BNIP2: variants seen among roughly 807,000 people sequenced by gnomAD.
BNIP2 encodes BCL2/adenovirus E1B 19 kDa protein-interacting protein 2.
BNIP2 carries 36 observed loss-of-function variants against 43.4 expected under a neutral mutation model. The observed-to-expected ratio is 0.83, with a 90% CI of 0.64 to 1.10. The LOEUF is 1.10. Ranked by LOEUF, BNIP2 falls within the 50% of genes least tolerant of loss-of-function variation. BNIP2 has a pLI of 0.00. For synonymous variants in BNIP2, 146 were observed against 121.0 expected, an observed-to-expected ratio of 1.21 and a Z score of -1.35; for missense variants, 417 against 374.1, an observed-to-expected ratio of 1.11 and a Z score of -0.95.
intron 9 of BNIP2, among the ~76,000 whole-genome samples, chr15:59,664,325 T>C (rs1262930755): frequency 6.6e-6 from 1 of 152,214 alleles, no homozygotes; most frequent in Admixed American, 6.5e-5. Context: ...GCAAGAAATG[T>C]GACCGTTGTT....
In BNIP2 at chr15:59,672,405, G is replaced by A. The variant is rs188606680; in HGVS notation, c.575+232C>T. On this transcript the variant is annotated intron_variant, in intron 6 of 9. Transcript: ENST00000607373. The stretch of plus-strand genomic sequence containing the variant: ...ACTTCCACCTCAGCCTCCTGAGTAG[G>A]TGGGGCTACAGGCCCATACTACCAT... 34 of 332,616 alleles carry A rather than the reference G, an allele frequency of 1.0e-4. No individual in the cohort carries two copies. In the Admixed American group the frequency reaches 1.2e-3, roughly 12 times the overall value. The allele number at this position is 332,616 out of a possible 1,614,324, so 20.6% of individuals were successfully genotyped here.
intron 2 of BNIP2, among the ~76,000 whole-genome samples, chr15:59,681,636 G>A (rs1428968939): frequency 6.6e-6 from 1 of 151,958 alleles, no homozygotes; most frequent in East Asian, 1.9e-4. Context: ...TAGTAGAGAC[G>A]GGGTTTCACC....
chr15:59,677,394 T>C, intron 5 of BNIP2: 4 of 1,518,474 alleles, frequency 2.6e-6, no homozygotes, highest in Non-Finnish European at 3.5e-6. Context: ...TGGTTTTCCG[T>C]ACTCCAAACC....
rs148548445 is a variant in BNIP2, at chr15:59,677,971, G to A, written c.412C>T (p.Gln138Ter). 2.5e-6 allele frequency: 4 copies of A among 1,613,832 alleles called. No individual in the cohort carries two copies. The highest frequency in any genetic ancestry group is 3.4e-6 in the Non-Finnish European group (4 of 1,179,818). Residue 138 changes from glutamine to a stop codon, truncating the protein, a stop_gained, in exon 5 of 10, where the codon CAG (glutamine) becomes TAG (stop). Transcript: ENST00000607373. LOFTEE classifies it high-confidence loss of function. Reference protein sequence around the residue: ...RRWRMFRIGEQDHRVDMKAIE... With the variant: ...RRWRMFRIGE ...GCCTTCATATCAACCCTGTGGTCCT[G>A]TTCTCCAATCCTGAACATACGCCAG...
rs558377193 is a variant in BNIP2, at chr15:59,677,242, G to A, written c.472+669C>T. 59 of 1,596,290 alleles carry A rather than the reference G, an allele frequency of 3.7e-5. No homozygotes were observed. In the African/African-American group the frequency reaches 4.7e-4, roughly 13 times the overall value. ...CCCGTCTTCCAGAGTGCCAAGCCCC[G>A]GCTGGACTGCTTGACTGAAGTATAC... On this transcript the variant is annotated intron_variant, in intron 5 of 9. Transcript: ENST00000607373.
chr15:59,673,122 C>CTT (rs35137131), intron 5 of BNIP2, among the ~76,000 whole-genome samples: 2 of 142,576 alleles, frequency 1.4e-5, no homozygotes, highest in Non-Finnish European at 1.5e-5. Flanking sequence ...AAAGTGGGTG[C>CTT]TTTTTTTTTT....
chr15:59,672,034 C>A (rs6151538), intron 6 of BNIP2, among the ~76,000 whole-genome samples: 14,886 of 152,178 alleles, frequency 0.098, 1,189 homozygotes, highest in East Asian at 0.29. Context: ...CGTAGTTGTA[C>A]CACTGCACTC....
At position 59,662,545 on chromosome 15, in the gene BNIP2, T is replaced by C. The variant is rs535681973; in HGVS notation, c.*1524A>G. Reference sequence around the variant, plus strand: ...TAAGTTAGCATGCCAAGTTTAGGACTGAGGAGGACAAAAAATATAGGAAAG... The same window carrying C: ...TAAGTTAGCATGCCAAGTTTAGGACCGAGGAGGACAAAAAATATAGGAAAG... On this transcript the variant is annotated 3_prime_UTR_variant, in exon 10 of 10. Coordinates refer to ENST00000607373, the MANE Select transcript of BNIP2 (RefSeq NM_004330.4). The C allele has an allele frequency of 1.3e-5, 2 of 152,328 alleles. No individual in the cohort carries two copies. Among genetic ancestry groups the C allele is most frequent in the Non-Finnish European group, 2.9e-5 (2 of 68,026 alleles). The allele number at this position is 152,328 out of a possible 1,614,324, so 9.4% of individuals were successfully genotyped here. A position where few individuals can be genotyped will look rare whatever the true frequency, so the allele number is the denominator to read the frequency against.
chr15:59,678,873 G>A, intron 4 of BNIP2: 1 of 1,300,286 alleles, frequency 7.7e-7, no homozygotes, highest in Non-Finnish European at 1.0e-6. Flanking sequence ...AAAACACATA[G>A]GCACAAAACT....
chr15:59,677,498 C>T (rs895271488), intron 5 of BNIP2, among the ~76,000 whole-genome samples: 23 of 152,116 alleles, frequency 1.5e-4, no homozygotes, highest in African/African-American at 5.3e-4. Flanking sequence ...TATATTTCCA[C>T]GTATTATAGT....
Position 59,669,379 on chromosome 15 carries a change from AAAC to A in BNIP2, c.708-20_708-18del. Reference sequence around the variant, plus strand: ...TTCCGTAACCTGGAGTTTAAAAAAAAAACACACACACACAAAGAAAATTAAAAA... The same window carrying A: ...TTCCGTAACCTGGAGTTTAAAAAAAAACACACACACAAAGAAAATTAAAAA... On this transcript the variant is annotated intron_variant, in intron 7 of 9. Transcript: ENST00000607373. The A allele has an allele frequency of 1.1e-5, 16 of 1,399,502 alleles. No individual in the cohort carries two copies. The highest frequency in any genetic ancestry group is 1.5e-5 in the African/African-American group (1 of 67,748). The allele number at this position is 1,399,502 out of a possible 1,614,324, so 86.7% of individuals were successfully genotyped here.
intron 1 of BNIP2, among the ~76,000 whole-genome samples, 159 bp from the exon 2 acceptor site, chr15:59,682,673 A>G (rs1243177727): frequency 6.6e-6 from 1 of 151,796 alleles, no homozygotes; most frequent in Non-Finnish European, 1.5e-5. Context: ...TTTTTTAAAG[A>G]AAAGAGAATA....
At position 59,665,178 on chromosome 15, in the gene BNIP2, C is replaced by T. The variant is rs1462043823; in HGVS notation, c.894-1058G>A. ...ACTTGGGAGGCTGAGGTAGGAGAAC[C>T]GCTTGAACCCAGGAGGCAGAGCTTG... On this transcript the variant is annotated intron_variant, in intron 9 of 9. Coordinates refer to ENST00000607373, the MANE Select transcript of BNIP2 (RefSeq NM_004330.4). Among the ~76,000 whole-genome samples the T allele has an allele frequency of 1.5e-4, 22 of 151,600 alleles. No individual in the cohort carries two copies. In the East Asian group the frequency reaches 3.5e-3, roughly 24 times the overall value.
At chr15:59,665,660 T>C (rs937114413) in intron 9 of BNIP2, among the ~76,000 whole-genome samples, 10 of 152,122 alleles carry the variant, frequency 6.6e-5, no homozygotes, top group Non-Finnish European at 1.2e-4. Flanking sequence ...TAGTGGTGGG[T>C]TGGACATCAG....
rs569197441 is a variant in BNIP2 at position 59,686,060 on chromosome 15, T to C, written c.-58+3075A>G. ...TCAATAGATTGACTCTTGGTAGTGG[T>C]GGCACATCCTTATGCCACTTACTTG... On this transcript the variant is annotated intron_variant, in intron 1 of 9. Transcript: ENST00000607373. 5.9e-5 allele frequency among the ~76,000 whole-genome samples: 9 copies of C among 152,328 alleles called. No homozygotes were observed. The South Asian group carries it at 1.7e-3, about 28-fold the overall frequency.
At chr15:59,678,443 T>C in intron 4 of BNIP2, 1 of 1,077,034 alleles carries the variant, frequency 9.3e-7, no homozygotes, top group Non-Finnish European at 1.1e-6. Context: ...TCCCTGGCAG[T>C]TATGACTATA....
rs779636657 is a variant in BNIP2, at chr15:59,679,677, C to T, written c.210G>A (p.Leu70=). 1.6e-5 allele frequency: 26 copies of T among 1,612,062 alleles called. No homozygotes were observed. Among genetic ancestry groups the T allele is most frequent in the Admixed American group, 1.7e-5 (1 of 59,630 alleles). Residue 70 remains leucine, a synonymous_variant, in exon 4 of 10, where the codon TTG becomes TTA. Coordinates refer to ENST00000607373, the MANE Select transcript of BNIP2 (RefSeq NM_004330.4). ...CCCCACTTTCATCCAAATCATCTGA[C>T]AATACAGAGCCATCACTAGGATCCA... ...LTLDPSDGSV[L]SDDLDESGEI...
At chr15:59,664,477 G>C (rs1291728207) in intron 9 of BNIP2, among the ~76,000 whole-genome samples, 1 of 152,146 alleles carries the variant, frequency 6.6e-6, no homozygotes, top group Non-Finnish European at 1.5e-5. Context: ...CGCCTCCTGG[G>C]TTCACACCAT....
chr15:59,671,376 C>T (rs1304655961), intron 6 of BNIP2, 62 bp from the exon 7 acceptor site: 4 of 1,426,110 alleles, frequency 2.8e-6, no homozygotes, highest in Non-Finnish European at 3.8e-6. Context: ...ACTAGGTTCT[C>T]TAAATTGTAC....
Sources: gnomAD v4.1 joint callset for allele counts (sites outside exome capture counted in the v4.1 genomes callset) on GRCh38, gnomAD v4.1.1 for gene constraint, MANE v1.5 for transcripts, NCBI Gene and HGNC (gene_info 2026-07-23, HGNC 2026-07-21) for gene names.